CMIP: variants seen among roughly 807,000 people sequenced by gnomAD.
CMIP encodes the protein c-Maf inducing protein, also known as C-Maf-inducing protein.
Under a neutral mutation model 97.3 loss-of-function variants are expected in CMIP, and 13 were observed. That is an observed-to-expected ratio of 0.13 (90% CI 0.09 to 0.21). The LOEUF (loss-of-function observed/expected upper bound fraction) is 0.21. Among genes scored for constraint, CMIP ranks in the 10% least tolerant of loss-of-function variants. The probability of loss-of-function intolerance (pLI) is 1.00; values close to 1 mark genes in which losing one functional copy is unlikely to be tolerated. For synonymous variants in CMIP, 538 were observed against 436.3 expected (o/e 1.23, Z -2.91); for missense variants, 847 against 1,024.9 (o/e 0.83, Z 2.37).
chr16:81,630,510 C>G (rs1011756017), intron 3 of CMIP: 1 of 152,280 alleles, frequency 6.6e-6, no homozygotes, highest in East Asian at 1.9e-4. Flanking sequence ...GGCGAGTGCT[C>G]CTGGAGGCCG....
chr16:81,517,916 C>G (rs2089947574), intron 1 of CMIP: 2 of 984,002 alleles, frequency 2.0e-6, no homozygotes, highest in South Asian at 9.4e-5. Context: ...GACCTCCTGC[C>G]ACAGCCACGA....
chr16:81,483,262 G>A (rs1352863574), intron 1 of CMIP, among the ~76,000 whole-genome samples: 3 of 152,158 alleles, frequency 2.0e-5, no homozygotes, highest in African/African-American at 4.8e-5. Flanking sequence ...ATGGGGCAGC[G>A]GCTAAAGGAG....
chr16:81,464,178 A>G (rs16955396), intron 1 of CMIP: 41,834 of 152,180 alleles, frequency 0.27, 6,801 homozygotes, highest in Admixed American at 0.45. Context: ...TCCGCATTTC[A>G]CAGGTGAGAA....
chr16:81,616,344 G>A lies in CMIP; in HGVS notation c.427-4532G>A, dbSNP rs1192883060. On this transcript the variant is annotated intron_variant, in intron 2 of 20. Transcript: ENST00000537098. This position sits in a 1 kb window ranked among gnomAD's most constrained non-coding sequence, Gnocchi z 4.7. ...GCGGAGGAGGGATGGGGTCCTGGCC[G>A]AGGTGTGGGGAGGGCAGGGGCAGGC... Among the ~76,000 whole-genome samples the A allele has an allele frequency of 1.3e-5, 2 of 152,214 alleles. No individual in the cohort carries two copies. Among genetic ancestry groups the A allele is most frequent in the South Asian group, 4.2e-4 (2 of 4,814 alleles).
At chr16:81,691,735 T>C in intron 10 of CMIP, 40 bp from the exon 11 acceptor site, 1 of 1,585,092 alleles carries the variant, frequency 6.3e-7, no homozygotes, top group East Asian at 2.2e-5. Flanking sequence ...AAACCTTCCT[T>C]GTCCCAACCA....
intron 1 of CMIP, among the ~76,000 whole-genome samples, chr16:81,573,079 C>A (rs994659392): frequency 1.3e-5 from 2 of 152,228 alleles, no homozygotes; most frequent in African/African-American, 2.4e-5. Context: ...TGCAGTAGCT[C>A]ATGCCTGTAA....
At chr16:81,642,828 G>A (rs766775228) in intron 3 of CMIP, among the ~76,000 whole-genome samples, 6 of 152,028 alleles carry the variant, frequency 3.9e-5, no homozygotes, top group Admixed American at 1.3e-4. Flanking sequence ...CCCGGGAGGC[G>A]GAGTTTGCAA....
At chr16:81,495,575 C>G in intron 1 of CMIP, 2 of 1,458,500 alleles carry the variant, frequency 1.4e-6, no homozygotes, top group Admixed American at 1.9e-5. Flanking sequence ...GGCCACAGGC[C>G]AGTGAAATTC....
chr16:81,587,979 C>G (rs2091409470), intron 1 of CMIP, among the ~76,000 whole-genome samples: 1 of 152,190 alleles, frequency 6.6e-6, no homozygotes, highest in Non-Finnish European at 1.5e-5. Flanking sequence ...CAGGAACGGT[C>G]AGGGATTTCC....
At chr16:81,611,407 C>T (rs1452544194) in intron 2 of CMIP, 1 of 152,306 alleles carries the variant, frequency 6.6e-6, no homozygotes, top group African/African-American at 2.4e-5. Flanking sequence ...CAGCCATTCT[C>T]TCTACAGACA....
At chr16:81,667,173 C>G (rs1597218690) in intron 7 of CMIP, 1 of 152,242 alleles carries the variant, frequency 6.6e-6, no homozygotes, top group East Asian at 1.9e-4. Flanking sequence ...GGGTGCATCT[C>G]TTGCAAATAT....
intron 1 of CMIP, among the ~76,000 whole-genome samples, chr16:81,461,884 T>C (rs912415145): frequency 1.3e-5 from 2 of 152,218 alleles, no homozygotes; most frequent in African/African-American, 4.8e-5. Context: ...GGTATATTTA[T>C]CCAACATTCA....
intron 10 of CMIP, among the ~76,000 whole-genome samples, chr16:81,688,489 C>T (rs1013569818): frequency 5.9e-5 from 9 of 152,212 alleles, no homozygotes; most frequent in African/African-American, 2.2e-4. Context: ...TCTGAGCCTC[C>T]AGTTCGTCAT....
intron 1 of CMIP, among the ~76,000 whole-genome samples, chr16:81,487,785 A>G (rs1435075416): frequency 2.0e-5 from 3 of 152,214 alleles, no homozygotes; most frequent in African/African-American, 7.2e-5. Flanking sequence ...CCTGGCACGG[A>G]GTAAAGGCTC....
intron 1 of CMIP, among the ~76,000 whole-genome samples, chr16:81,607,150 A>G (rs955570754): frequency 6.6e-6 from 1 of 152,128 alleles, no homozygotes; most frequent in Non-Finnish European, 1.5e-5. Flanking sequence ...CTGGAGGCCG[A>G]GTGGAGGATG....
In CMIP at chr16:81,685,409, C is replaced by T. The variant is rs568942196; in HGVS notation, c.1389-6366C>T. 2.6e-4 allele frequency among the ~76,000 whole-genome samples: 39 copies of T among 152,354 alleles called. 1 individual carries two copies. Among genetic ancestry groups the T allele is most frequent in the African/African-American group, 8.9e-4 (37 of 41,590 alleles). Reference sequence around the variant, plus strand: ...TCAGGAGTAACAAGTGACCATGGGCCTGCTGCTGGGGCTCATAGTCCCCCG... The same window carrying T: ...TCAGGAGTAACAAGTGACCATGGGCTTGCTGCTGGGGCTCATAGTCCCCCG... On this transcript the variant is annotated intron_variant, in intron 10 of 20. Coordinates refer to ENST00000537098, the MANE Select transcript of CMIP (RefSeq NM_198390.3).
intron 1 of CMIP, among the ~76,000 whole-genome samples, chr16:81,598,581 A>G (rs905042570): frequency 6.6e-6 from 1 of 152,196 alleles, no homozygotes; most frequent in East Asian, 1.9e-4. Context: ...TTTTTCTCCC[A>G]TGAGATTTTC....
chr16:81,677,421 C>A (rs1008740732), intron 9 of CMIP, among the ~76,000 whole-genome samples: 3 of 152,188 alleles, frequency 2.0e-5, no homozygotes, highest in Non-Finnish European at 4.4e-5. Flanking sequence ...TGTGTGACTG[C>A]ACTTAGCACC....
chr16:81,631,592 C>T (rs2092160100), intron 3 of CMIP: 1 of 152,264 alleles, frequency 6.6e-6, no homozygotes, highest in African/African-American at 2.4e-5. Context: ...TAAATGGACT[C>T]AGACACCCTG....
Sources: gnomAD v4.1 joint callset for allele counts (sites outside exome capture counted in the v4.1 genomes callset) on GRCh38, gnomAD v4.1.1 for gene constraint, Gnocchi (gnomAD v3.1) non-coding constraint, MANE v1.5 for transcripts, NCBI Gene and HGNC (gene_info 2026-07-23, HGNC 2026-07-21) for gene names.